NRG1: variants seen among roughly 807,000 people sequenced by gnomAD.
NRG1 encodes pro-neuregulin-1, membrane-bound isoform.
Under a neutral mutation model 63.8 loss-of-function variants are expected in NRG1, and 18 were observed. The ratio of observed to expected loss-of-function variants is 0.28; its 90% CI spans 0.19 to 0.42. The LOEUF is 0.42. Among genes scored for constraint, NRG1 ranks in the 10% least tolerant of loss-of-function variants. NRG1 has a pLI of 1.00. For synonymous variants in NRG1, 302 were observed against 301.3 expected, an observed-to-expected ratio of 1.00 and a Z score of -0.02; for missense variants, 762 against 814.7, an observed-to-expected ratio of 0.94 and a Z score of 0.79.
intron 1 of NRG1, among the ~76,000 whole-genome samples, chr8:31,775,069 A>G (rs1365737839): frequency 7.6e-6 from 1 of 130,810 alleles, no homozygotes; most frequent in Non-Finnish European, 1.7e-5. Context: ...CTACTATTCA[A>G]TCCAGTAATC....
Position 31,781,992 on chromosome 8 carries a change from C to T in NRG1, c.37+142561C>T, listed in dbSNP as rs375444256. The stretch of plus-strand genomic sequence containing the variant: ...TCCACTGAACCCACCTGGACTTGGT[C>T]TCTCTCCCAAGGCTTTCACTGCAAT... On this transcript the variant is annotated intron_variant, in intron 1 of 10. Transcript: ENST00000519301. Among the ~76,000 whole-genome samples, 30 of 152,264 alleles carry T rather than the reference C, an allele frequency of 2.0e-4. No homozygotes were observed. In the East Asian group the frequency reaches 2.1e-3, roughly 11 times the overall value.
At chr8:32,040,769 GCGCCT>G (rs1362376398) in intron 1 of NRG1, among the ~76,000 whole-genome samples, 39 of 4,226 alleles carry the variant, frequency 9.2e-3, no homozygotes, top group Admixed American at 0.076. Flanking sequence ...ATATATATAT[GCGCCT>G]AAATTTCAGC....
At chr8:31,944,343 T>C (rs1802216497) in intron 1 of NRG1, among the ~76,000 whole-genome samples, 1 of 152,160 alleles carries the variant, frequency 6.6e-6, no homozygotes, top group African/African-American at 2.4e-5. Flanking sequence ...ATCTCAAAGG[T>C]CATATGGAAT....
chr8:32,487,162 A>AT lies in NRG1; in HGVS notation c.38-108666_38-108665insT, dbSNP rs1012103154. Among the ~76,000 whole-genome samples the AT allele has an allele frequency of 6.6e-4, 100 of 152,156 alleles. 1 individual carries two copies. Among genetic ancestry groups the AT allele is most frequent in the African/African-American group, 2.1e-3 (87 of 41,548 alleles). ...TTTCCACTATTGATAAAAAAAAAAA[A>AT]AATAACGTAAAACAGTGTTGGATTT... On this transcript the variant is annotated intron_variant, in intron 1 of 10. Transcript: ENST00000519301.
chr8:32,102,952 GAT>G (rs1830763915), intron 1 of NRG1, among the ~76,000 whole-genome samples: 1 of 151,886 alleles, frequency 6.6e-6, no homozygotes, highest in South Asian at 2.1e-4. Context: ...GGGTATGTGA[GAT>G]ATTTTGATAA....
intron 1 of NRG1, among the ~76,000 whole-genome samples, chr8:31,761,250 A>T (rs973725778): frequency 6.6e-6 from 1 of 152,122 alleles, no homozygotes; most frequent in Non-Finnish European, 1.5e-5. Context: ...GGAATTGAAC[A>T]ATGAGAACAC....
At position 32,284,598 on chromosome 8, in the gene NRG1, A is replaced by C. The variant is rs374491765; in HGVS notation, c.38-311230A>C. ...CAGGCTAGAGTGCAGCGGTATAATC[A>C]AGGCTCACAGCAGCCTCGGCCTTCC... On this transcript the variant is annotated intron_variant, in intron 1 of 10. Transcript: ENST00000519301. 2.0e-4 allele frequency among the ~76,000 whole-genome samples: 30 copies of C among 151,576 alleles called. 1 individual carries two copies. The highest frequency in any genetic ancestry group is 7.3e-4 in the African/African-American group (30 of 41,294).
At chr8:32,274,234 T>C (rs999120511) in intron 1 of NRG1, among the ~76,000 whole-genome samples, 6 of 152,216 alleles carry the variant, frequency 3.9e-5, no homozygotes, top group African/African-American at 1.4e-4. Flanking sequence ...TTATGTTACA[T>C]GCAACTCCAA....
At chr8:32,548,929 C>T in intron 1 of NRG1, 103 bp downstream of exon 1, 7 of 1,376,196 alleles carry the variant, frequency 5.1e-6, no homozygotes, top group Non-Finnish European at 6.7e-6. Flanking sequence ...CTCCCTCGCC[C>T]GTCCTCTTCG....
At chr8:32,606,189 T>A (rs902100703) in intron 3 of NRG1, among the ~76,000 whole-genome samples, 4 of 148,872 alleles carry the variant, frequency 2.7e-5, no homozygotes, top group Non-Finnish European at 4.5e-5. Context: ...ATTATATATA[T>A]TACATATATA....
intron 1 of NRG1, among the ~76,000 whole-genome samples, chr8:31,989,314 A>T (rs1460285245): frequency 1.6e-5 from 2 of 128,262 alleles, no homozygotes; most frequent in Admixed American, 1.6e-4. Context: ...AACAGGATCC[A>T]TGGGAGAACA....
At chr8:32,483,832 C>T (rs1007743307) in intron 1 of NRG1, among the ~76,000 whole-genome samples, 1 of 152,060 alleles carries the variant, frequency 6.6e-6, no homozygotes, top group African/African-American at 2.4e-5. Flanking sequence ...TGGCCAGGTG[C>T]GGTGGCTCAC....
At chr8:31,694,289 C>T (rs756435822) in intron 1 of NRG1, among the ~76,000 whole-genome samples, 87 of 152,284 alleles carry the variant, frequency 5.7e-4, no homozygotes, top group African/African-American at 9.4e-4. Context: ...GTATTCGACA[C>T]GGGTTCACCT....
At chr8:32,686,614 G>T (rs139020270) in intron 5 of NRG1, among the ~76,000 whole-genome samples, 1 of 152,330 alleles carries the variant, frequency 6.6e-6, no homozygotes, top group African/African-American at 2.4e-5. Flanking sequence ...CCATTTAAGA[G>T]ATATCAACAG....
At chr8:31,853,178 T>C (rs1256899441) in intron 1 of NRG1, among the ~76,000 whole-genome samples, 1 of 152,206 alleles carries the variant, frequency 6.6e-6, no homozygotes, top group Non-Finnish European at 1.5e-5. Context: ...GGGGATGTCA[T>C]TGAATCTGTA....
At chr8:32,629,383 T>A (rs16879632) in intron 5 of NRG1, among the ~76,000 whole-genome samples, 6 of 152,140 alleles carry the variant, frequency 3.9e-5, no homozygotes, top group African/African-American at 1.4e-4. Context: ...GAATTTTGGT[T>A]GATTTGTGTT....
At chr8:32,375,805 T>C (rs1387546219) in intron 1 of NRG1, among the ~76,000 whole-genome samples, 2 of 152,200 alleles carry the variant, frequency 1.3e-5, no homozygotes, top group African/African-American at 4.8e-5. Context: ...AAGGGCTGGC[T>C]TTTCCTTTCA....
At chr8:32,769,314 G>A (rs1358965948), downstream of NRG1, among the ~76,000 whole-genome samples, 1 of 152,192 alleles carries the variant, frequency 6.6e-6, no homozygotes, top group South Asian at 2.1e-4. Flanking sequence ...GGTTTGGAAA[G>A]AGTGAAGACT....
intron 1 of NRG1, among the ~76,000 whole-genome samples, chr8:31,795,524 G>A (rs1487167659): frequency 6.6e-6 from 1 of 151,982 alleles, no homozygotes; most frequent in Non-Finnish European, 1.5e-5. Context: ...TCCCTATATT[G>A]TCCTGTAACC....
Sources: allele counts gnomAD v4.1 joint callset (sites outside exome capture counted in the v4.1 genomes callset), GRCh38; gene constraint gnomAD v4.1.1; transcripts MANE v1.5; gene names NCBI Gene and HGNC (gene_info 2026-07-23, HGNC 2026-07-21).